The following RABGAP1L variants were observed in gnomAD, a reference collection of about 807,000 sequenced individuals.
RABGAP1L encodes the protein RAB GTPase activating protein 1 like, also known as rab GTPase-activating protein 1-like.
RABGAP1L carries 63 observed loss-of-function variants against 137.7 expected under a neutral mutation model. The ratio of observed to expected loss-of-function variants is 0.46; its 90% CI spans 0.37 to 0.56. The LOEUF is 0.56. Among genes scored for constraint, RABGAP1L ranks in the 20% least tolerant of loss-of-function variants. The probability of loss-of-function intolerance (pLI) is 0.00; values close to 1 mark genes in which losing one functional copy is unlikely to be tolerated. For missense variants in RABGAP1L, 1,095 were observed against 1,244.0 expected (o/e 0.88, Z 1.80); for synonymous variants, 431 against 433.7 (o/e 0.99, Z 0.08).
chr1:174,790,662 G>A (rs1687784457), intron 18 of RABGAP1L, among the ~76,000 whole-genome samples: 1 of 151,754 alleles, frequency 6.6e-6, no homozygotes, highest in Non-Finnish European at 1.5e-5. Flanking sequence ...TGAGCAAAAT[G>A]ACATTGGAAT....
At chr1:174,871,839 T>A (rs1335785212) in intron 19 of RABGAP1L, among the ~76,000 whole-genome samples, 1 of 152,246 alleles carries the variant, frequency 6.6e-6, no homozygotes, top group African/African-American at 2.4e-5. Flanking sequence ...GCATTACTCA[T>A]GTTTTCAGGT....
At chr1:174,187,737 G>C (rs1398102680) in intron 1 of RABGAP1L, among the ~76,000 whole-genome samples, 2 of 152,048 alleles carry the variant, frequency 1.3e-5, no homozygotes, top group Non-Finnish European at 2.9e-5. Flanking sequence ...TAAGAATTCT[G>C]ATCATCTTGT....
At chr1:174,989,822 C>G in intron 25 of RABGAP1L, 27 bp from the exon 26 acceptor site, 5 of 1,544,058 alleles carry the variant, frequency 3.2e-6, no homozygotes, top group Non-Finnish European at 4.4e-6. Context: ...ATTTATTTAA[C>G]TCAGATGATT....
chr1:174,214,849 G>A (rs1249284478), intron 1 of RABGAP1L, among the ~76,000 whole-genome samples: 2 of 152,088 alleles, frequency 1.3e-5, no homozygotes, highest in African/African-American at 4.8e-5. Flanking sequence ...AAAATACATT[G>A]AAGACTCAAA....
chr1:174,867,923 G>A (rs1651556603), intron 19 of RABGAP1L, among the ~76,000 whole-genome samples: 1 of 152,050 alleles, frequency 6.6e-6, no homozygotes, highest in Admixed American at 6.6e-5. Context: ...GGGATTACAG[G>A]CATGAGCCAC....
chr1:174,439,308 CATAAT>C (rs1275188776), intron 13 of RABGAP1L, among the ~76,000 whole-genome samples: 1 of 152,106 alleles, frequency 6.6e-6, no homozygotes, highest in Non-Finnish European at 1.5e-5. Flanking sequence ...TAATTTGTCT[CATAAT>C]GAAATGAAAT....
intron 3 of RABGAP1L, among the ~76,000 whole-genome samples, chr1:174,226,707 A>G (rs183217322): frequency 1.1e-3 from 163 of 152,072 alleles, no homozygotes; most frequent in Middle Eastern, 6.8e-3. Flanking sequence ...AGTTTTTCTT[A>G]TATTAATATA....
chr1:174,176,652 C>T (rs1298921386), intron 1 of RABGAP1L, among the ~76,000 whole-genome samples: 1 of 124,036 alleles, frequency 8.1e-6, no homozygotes, highest in Non-Finnish European at 1.6e-5. Context: ...GCGGAGGTTG[C>T]AGTGAGCTGA....
At chr1:174,730,514 TA>T (rs1682377060) in intron 17 of RABGAP1L, among the ~76,000 whole-genome samples, 1 of 152,230 alleles carries the variant, frequency 6.6e-6, no homozygotes, top group East Asian at 1.9e-4. Flanking sequence ...TAACTCTCTG[TA>T]AATTCTAGAG....
At chr1:174,438,363 A>T (rs1397432449) in intron 13 of RABGAP1L, among the ~76,000 whole-genome samples, 1 of 152,294 alleles carries the variant, frequency 6.6e-6, no homozygotes, top group South Asian at 2.1e-4. Flanking sequence ...TGCAATAGCA[A>T]TGAATCTGAA....
At chr1:174,173,275 C>T (rs567123062) in intron 1 of RABGAP1L, among the ~76,000 whole-genome samples, 13 of 152,030 alleles carry the variant, frequency 8.6e-5, no homozygotes, top group African/African-American at 2.2e-4. Context: ...GGATTACAGG[C>T]GTGCACCACC....
chr1:174,477,098 A>G (rs917966843), intron 13 of RABGAP1L, among the ~76,000 whole-genome samples: 7 of 152,134 alleles, frequency 4.6e-5, no homozygotes, highest in African/African-American at 1.7e-4. Flanking sequence ...GTGTGCTGAG[A>G]TATCAAAGTT....
chr1:174,507,297 A>T (rs1661911027), intron 13 of RABGAP1L, among the ~76,000 whole-genome samples: 1 of 152,186 alleles, frequency 6.6e-6, no homozygotes, highest in Non-Finnish European at 1.5e-5. Context: ...AAATTTAGAA[A>T]ATTAAGAAAA....
In RABGAP1L at chr1:174,379,416, T is replaced by C. The variant is rs368396308; in HGVS notation, c.1559+8344T>C. On this transcript the variant is annotated intron_variant, in intron 12 of 25. Transcript: ENST00000681986. The stretch of plus-strand genomic sequence containing the variant: ...TCACGATATTGATTCTTCCTACCCA[T>C]GAGCATGGCATGTTCTTCCATTTGT... Among the ~76,000 whole-genome samples, 353 of 149,468 alleles carry C rather than the reference T, an allele frequency of 2.4e-3. 6 individuals carry two copies. In the South Asian group the frequency reaches 0.026, roughly 11 times the overall value.
At chr1:174,572,131 G>A (rs770306977) in intron 13 of RABGAP1L, among the ~76,000 whole-genome samples, 1 of 152,190 alleles carries the variant, frequency 6.6e-6, no homozygotes, top group African/African-American at 2.4e-5. Context: ...AGATCGTTTG[G>A]TGTAATAGAG....
At chr1:174,286,639 A>T (rs1224671936) in intron 10 of RABGAP1L, among the ~76,000 whole-genome samples, 1 of 151,852 alleles carries the variant, frequency 6.6e-6, no homozygotes, top group Non-Finnish European at 1.5e-5. Context: ...TGAGATGTAA[A>T]GTTAAGTTGT....
chr1:174,384,203 A>G (rs915729378), intron 12 of RABGAP1L, among the ~76,000 whole-genome samples: 27 of 152,218 alleles, frequency 1.8e-4, no homozygotes, highest in African/African-American at 5.3e-4. Context: ...TTCCATTTGT[A>G]TGAAATTCTG....
chr1:174,539,457 A>G (rs1235844244), intron 13 of RABGAP1L, among the ~76,000 whole-genome samples: 1 of 152,036 alleles, frequency 6.6e-6, no homozygotes, highest in Non-Finnish European at 1.5e-5. Flanking sequence ...CACACCCCAC[A>G]ACAGGCCCTG....
At chr1:174,266,394 T>A (rs538802983) in intron 7 of RABGAP1L, among the ~76,000 whole-genome samples, 1 of 152,270 alleles carries the variant, frequency 6.6e-6, no homozygotes, top group African/African-American at 2.4e-5. Context: ...AAAATCTGAG[T>A]AGACTGCTAC....
Sources: allele counts gnomAD v4.1 joint callset (sites outside exome capture counted in the v4.1 genomes callset), GRCh38; gene constraint gnomAD v4.1.1; transcripts MANE v1.5; gene names NCBI Gene and HGNC (gene_info 2026-07-23, HGNC 2026-07-21).